CNIH3: variants seen among roughly 807,000 people sequenced by gnomAD.
CNIH3 encodes cornichon family AMPA receptor auxiliary protein 3, also known as protein cornichon homolog 3.
A neutral mutation model predicts 24.1 loss-of-function variants in CNIH3; 14 were observed. The observed-to-expected ratio is 0.58, with a 90% CI of 0.38 to 0.91. The LOEUF (loss-of-function observed/expected upper bound fraction) is 0.91. CNIH3 is among the 40% of genes least tolerant of loss of function. The pLI, the probability that CNIH3 is intolerant of heterozygous loss-of-function variation, is 0.00. For missense variants in CNIH3, 178 were observed against 196.8 expected, an observed-to-expected ratio of 0.90 and a Z score of 0.57; for synonymous variants, 68 against 73.8, an observed-to-expected ratio of 0.92 and a Z score of 0.40.
In CNIH3 at chr1:224,690,224, A is replaced by G. The variant is rs575631750; in HGVS notation, c.198+5381A>G. Among the ~76,000 whole-genome samples the G allele has an allele frequency of 3.9e-5, 6 of 152,256 alleles. No individual in the cohort carries two copies. In the South Asian group the frequency reaches 8.3e-4, roughly 21 times the overall value. On this transcript the variant is annotated intron_variant, in intron 3 of 5. Transcript: ENST00000272133. ...ATTTTTATTTTTTATTTTTTGAGAC[A>G]GAGTCTCACTTTGTTGTCCAGGCTA...
In CNIH3 at chr1:224,580,690, G is replaced by C. The variant is rs922795126; in HGVS notation, n.517-2474G>C. 2.0e-5 allele frequency among the ~76,000 whole-genome samples: 3 copies of C among 152,176 alleles called. No individual in the cohort carries two copies. In the South Asian group the frequency reaches 6.2e-4, roughly 32 times the overall value. ...AAAAATACAAAAATTAGCCAGGCATGGTGGTGCATGCCTATAATCCCAGCT... is the reference window on the plus strand; with the variant it reads ...AAAAATACAAAAATTAGCCAGGCATCGTGGTGCATGCCTATAATCCCAGCT... On this transcript the variant is annotated intron_variant and non_coding_transcript_variant, in intron 4 of 5. Coordinates refer to the CNIH3 transcript ENST00000471578.
At chr1:224,578,697 A>G (rs920563892) in intron 4 of CNIH3, among the ~76,000 whole-genome samples, 2 of 152,230 alleles carry the variant, frequency 1.3e-5, no homozygotes, top group African/African-American at 4.8e-5. Context: ...TTGACTCTAC[A>G]AAATTTTGGA....
At chr1:224,663,975 G>C (rs888526213) in intron 1 of CNIH3, among the ~76,000 whole-genome samples, 1 of 152,230 alleles carries the variant, frequency 6.6e-6, no homozygotes, top group Non-Finnish European at 1.5e-5. Flanking sequence ...GTTTGGTCTA[G>C]TCCTGTTGCT....
chr1:224,443,711 A>ATTTTTTTT (rs56248229), intron 1 of CNIH3, among the ~76,000 whole-genome samples: 70 of 149,532 alleles, frequency 4.7e-4, no homozygotes, highest in Middle Eastern at 7.2e-3. Context: ...ATATATATAT[A>ATTTTTTTT]TTTTTTTAGG....
intron 1 of CNIH3, among the ~76,000 whole-genome samples, chr1:224,675,353 C>A (rs1686088189): frequency 6.6e-6 from 1 of 152,156 alleles, no homozygotes. Context: ...AGAGAAAACT[C>A]AAGTTTTAGA....
chr1:224,735,660 T>A (rs961099778), intron 5 of CNIH3, among the ~76,000 whole-genome samples: 1 of 152,128 alleles, frequency 6.6e-6, no homozygotes, highest in African/African-American at 2.4e-5. Flanking sequence ...TTTATTATTT[T>A]TTAATTTTTA....
At chr1:224,474,721 A>G (rs1484494757) in intron 1 of CNIH3, among the ~76,000 whole-genome samples, 2 of 152,140 alleles carry the variant, frequency 1.3e-5, no homozygotes, top group African/African-American at 2.4e-5. Context: ...AAAAAAAGAA[A>G]GAAGGCCCAA....
rs77846256 is a variant in CNIH3, at chr1:224,734,031, G to A, written c.312-532G>A. On this transcript the variant is annotated intron_variant, in intron 4 of 5. Transcript: ENST00000272133. ...TTCACTCACCCAGCTGCCGTCCAGG[G>A]CACGCTGTCTCCCGACAGATGGCTG... is the stretch of plus-strand genomic sequence containing the variant. 8.7e-4 allele frequency among the ~76,000 whole-genome samples: 133 copies of A among 152,322 alleles called. No individual in the cohort carries two copies. The East Asian group carries it at 0.018, about 21-fold the overall frequency.
At chr1:224,630,229 G>C (rs1454940258) in intron 1 of CNIH3, among the ~76,000 whole-genome samples, 1 of 152,144 alleles carries the variant, frequency 6.6e-6, no homozygotes, top group Non-Finnish European at 1.5e-5. Flanking sequence ...TCTGCTCTCA[G>C]ATCAGTGCAA....
intron 1 of CNIH3, among the ~76,000 whole-genome samples, chr1:224,621,199 C>T (rs1359932893): frequency 6.6e-6 from 1 of 152,222 alleles, no homozygotes; most frequent in Non-Finnish European, 1.5e-5. Context: ...TTCACAGCAG[C>T]ATTTGCTGTT....
chr1:224,520,793 C>T (rs116539836), intron 1 of CNIH3, among the ~76,000 whole-genome samples: 1,942 of 152,232 alleles, frequency 0.013, 20 homozygotes, highest in Non-Finnish European at 0.018. Context: ...TGAAGAGAGG[C>T]TCATGTGTGT....
chr1:224,684,758 A>G lies in CNIH3; in HGVS notation c.151-38A>G, dbSNP rs117390640. On this transcript the variant is annotated intron_variant, in intron 2 of 5. Transcript: ENST00000272133. The surrounding 1 kb of genome is among the most constrained non-coding windows in gnomAD (Gnocchi z 4.2). ...CTCATGCTATTTTAGCAGAACCCCT[A>G]ACCTCCCCTCTCATTTCTTTCTTGT... The G allele has an allele frequency of 5.0e-6, 8 of 1,596,872 alleles. No individual in the cohort carries two copies. The East Asian group carries it at 1.8e-4, about 36-fold the overall frequency.
chr1:224,486,768 A>G (rs1297910110), intron 1 of CNIH3, among the ~76,000 whole-genome samples: 1 of 152,228 alleles, frequency 6.6e-6, no homozygotes, highest in East Asian at 1.9e-4. Flanking sequence ...ATTGAATAAC[A>G]CTACCTTCAA....
intron 1 of CNIH3, among the ~76,000 whole-genome samples, chr1:224,449,337 TC>T (rs2102960893): frequency 6.6e-6 from 1 of 152,172 alleles, no homozygotes; most frequent in South Asian, 2.1e-4. Flanking sequence ...ACTCTATTGA[TC>T]CTACCCTTTT....
intron 3 of CNIH3, among the ~76,000 whole-genome samples, chr1:224,707,723 A>G (rs1687900668): frequency 1.3e-5 from 2 of 152,144 alleles, no homozygotes; most frequent in Non-Finnish European, 2.9e-5. Context: ...TTGTATGCAC[A>G]TTATTTTGAG....
downstream of CNIH3, among the ~76,000 whole-genome samples, chr1:224,539,721 C>T (rs531132254): frequency 8.7e-4 from 132 of 152,296 alleles, 1 homozygote; most frequent in Admixed American, 1.8e-3. Flanking sequence ...TTATGCTATC[C>T]GTGAGAGGTA....
At chr1:224,641,110 G>A (rs1684336260) in intron 1 of CNIH3, among the ~76,000 whole-genome samples, 1 of 152,184 alleles carries the variant, frequency 6.6e-6, no homozygotes, top group South Asian at 2.1e-4. Context: ...CGCTGTGATT[G>A]GAGTCTTCGG....
chr1:224,626,198 C>T lies in CNIH3; in HGVS notation c.81+8943C>T, dbSNP rs1558226949. 3.9e-5 allele frequency among the ~76,000 whole-genome samples: 6 copies of T among 152,128 alleles called. 1 individual carries two copies. Among genetic ancestry groups the T allele is most frequent in the Admixed American group, 3.9e-4 (6 of 15,272 alleles). On this transcript the variant is annotated intron_variant, in intron 1 of 5. Coordinates refer to ENST00000272133, the MANE Select transcript of CNIH3 (RefSeq NM_152495.2). The stretch of plus-strand genomic sequence containing the variant: ...TAGTGAGGTCATTTGCATGAGTAAC[C>T]AACTCAGATCTGCAGGGTTGGAAGT...
chr1:224,505,014 C>CTCCT (rs1394660613), intron 1 of CNIH3, among the ~76,000 whole-genome samples: 2 of 98,232 alleles, frequency 2.0e-5, no homozygotes, highest in East Asian at 6.0e-4. Context: ...CCCTCCCTCC[C>CTCCT]TCCCTCCCTC....
Sources: gnomAD v4.1 joint callset for allele counts (sites outside exome capture counted in the v4.1 genomes callset) on GRCh38, gnomAD v4.1.1 for gene constraint, Gnocchi (gnomAD v3.1) non-coding constraint, MANE v1.5 for transcripts, NCBI Gene and HGNC (gene_info 2026-07-23, HGNC 2026-07-21) for gene names.